ESR1: variants seen among roughly 807,000 people sequenced by gnomAD.
ESR1 encodes estrogen receptor 1.
ESR1 carries 12 observed loss-of-function variants against 52.7 expected under a neutral mutation model. The observed-to-expected ratio is 0.23, with a 90% CI of 0.15 to 0.37. The LOEUF (loss-of-function observed/expected upper bound fraction) is 0.37. Ranked by LOEUF, ESR1 falls within the 10% of genes least tolerant of loss-of-function variation. The pLI, the probability that ESR1 is intolerant of heterozygous loss-of-function variation, is 1.00. For missense variants in ESR1, 584 were observed against 779.7 expected (o/e 0.75, Z 2.99); for synonymous variants, 305 against 316.8 (o/e 0.96, Z 0.39).
At chr6:152,018,231 A>G (rs1285580749) in intron 5 of ESR1, among the ~76,000 whole-genome samples, 2 of 148,848 alleles carry the variant, frequency 1.3e-5, no homozygotes, top group East Asian at 1.9e-4. Flanking sequence ...TTTTAAATAG[A>G]AAAAAAAAAG....
chr6:152,099,286 G>A lies in ESR1; in HGVS notation c.*320G>A. Reference sequence around the variant, plus strand: ...TATGGGTTGGGGCTCAGATAACTCTGTGCATTTAAGCTACTTGTAGAGACC... The same window carrying A: ...TATGGGTTGGGGCTCAGATAACTCTATGCATTTAAGCTACTTGTAGAGACC... On this transcript the variant is annotated 3_prime_UTR_variant, in exon 8 of 8. Transcript: ENST00000206249. 2.2e-6 allele frequency: 1 copy of A among 459,180 alleles called. No individual in the cohort carries two copies. Among genetic ancestry groups the A allele is most frequent in the Non-Finnish European group, 4.0e-6 (1 of 247,356 alleles). 28.4% of individuals were successfully genotyped at this position (459,180 alleles called of 1,614,324 possible).
At chr6:152,008,543 G>A (rs2042514629) in intron 4 of ESR1, among the ~76,000 whole-genome samples, 1 of 152,068 alleles carries the variant, frequency 6.6e-6, no homozygotes, top group Non-Finnish European at 1.5e-5. Context: ...GAACTGTAAA[G>A]TGGGAATTAA....
chr6:151,755,009 C>T lies in ESR1; in HGVS notation c.-70-52834C>T, dbSNP rs559309596. On this transcript the variant is annotated intron_variant, in intron 2 of 2. Transcript: ENST00000404742. ...GGCAGACTACTTGAGCCCAGGAGTT[C>T]GAGACCAGTCTGGCCAATAGAGAAA... is the stretch of plus-strand genomic sequence containing the variant. Among the ~76,000 whole-genome samples the T allele has an allele frequency of 2.4e-3, 366 of 152,214 alleles. 2 individuals carry two copies. The highest frequency in any genetic ancestry group is 8.5e-3 in the African/African-American group (353 of 41,550).
chr6:151,955,505 G>T (rs1047468373), intron 4 of ESR1, among the ~76,000 whole-genome samples: 6 of 152,050 alleles, frequency 3.9e-5, no homozygotes, highest in African/African-American at 1.4e-4. Flanking sequence ...ATTCATAGGG[G>T]ATTTCTCTTA....
At chr6:152,028,478 C>T (rs527457495) in intron 5 of ESR1, among the ~76,000 whole-genome samples, 10 of 152,292 alleles carry the variant, frequency 6.6e-5, no homozygotes, top group Admixed American at 2.0e-4. Flanking sequence ...TCTTAGCAAA[C>T]GGCACACCAG....
At chr6:151,846,454 CTT>C (rs1207405150) in intron 2 of ESR1, among the ~76,000 whole-genome samples, 2 of 152,200 alleles carry the variant, frequency 1.3e-5, no homozygotes, top group Admixed American at 6.5e-5. Context: ...GTCTGTGACT[CTT>C]TATAAATCAC....
At chr6:152,036,296 C>G (rs1013897582) in intron 5 of ESR1, among the ~76,000 whole-genome samples, 1 of 152,038 alleles carries the variant, frequency 6.6e-6, no homozygotes, top group Non-Finnish European at 1.5e-5. Context: ...GGAGGCGGAG[C>G]TTGCAGTGAG....
At chr6:151,671,700 T>G (rs894821772) in intron 1 of ESR1, among the ~76,000 whole-genome samples, 2 of 152,058 alleles carry the variant, frequency 1.3e-5, no homozygotes, top group Admixed American at 1.3e-4. Flanking sequence ...TTTTTAAAAT[T>G]TTTATTTTAG....
At chr6:151,996,381 C>A (rs879702543) in intron 4 of ESR1, among the ~76,000 whole-genome samples, 1 of 152,038 alleles carries the variant, frequency 6.6e-6, no homozygotes, top group Non-Finnish European at 1.5e-5. Flanking sequence ...TGTTAGTACC[C>A]GCTTGTGTGG....
At chr6:151,694,011 TAAC>T (rs1331177638) in intron 1 of ESR1, among the ~76,000 whole-genome samples, 1 of 152,204 alleles carries the variant, frequency 6.6e-6, no homozygotes, top group Non-Finnish European at 1.5e-5. Context: ...GTGGTAATAA[TAAC>T]AACTATAGTA....
chr6:152,032,983 G>T (rs2044869473), intron 5 of ESR1, among the ~76,000 whole-genome samples: 2 of 152,080 alleles, frequency 1.3e-5, no homozygotes, highest in Admixed American at 1.3e-4. Flanking sequence ...CAGAAATAAT[G>T]CCATGTATCT....
chr6:152,129,216 A>C (rs1049869996), exon 7 of ESR1: 5 of 152,236 alleles, frequency 3.3e-5, no homozygotes, highest in African/African-American at 1.2e-4. Flanking sequence ...CGGAGAGCAG[A>C]TAGACGCAAT....
chr6:151,792,896 T>C (rs552489244), intron 2 of ESR1, among the ~76,000 whole-genome samples: 2 of 152,074 alleles, frequency 1.3e-5, no homozygotes, highest in Non-Finnish European at 2.9e-5. Context: ...TTAGTCTGAG[T>C]GCGGGGGCTC....
At chr6:151,673,072 C>T (rs190730904) in intron 1 of ESR1, among the ~76,000 whole-genome samples, 4 of 151,662 alleles carry the variant, frequency 2.6e-5, no homozygotes, top group Non-Finnish European at 5.9e-5. Flanking sequence ...GTGATCCGCC[C>T]GCCTCAGCCT....
At chr6:151,955,849 A>AT (rs1009341950) in intron 4 of ESR1, among the ~76,000 whole-genome samples, 19 of 151,244 alleles carry the variant, frequency 1.3e-4, no homozygotes, top group African/African-American at 2.2e-4. Flanking sequence ...ACCCAACAGT[A>AT]TTTTTTTTTC....
chr6:151,797,174 G>C (rs1776791361), intron 2 of ESR1, among the ~76,000 whole-genome samples: 1 of 152,270 alleles, frequency 6.6e-6, no homozygotes, highest in Non-Finnish European at 1.5e-5. Context: ...GGTCTCATGG[G>C]CAGAGGTGGG....
intron 7 of ESR1, among the ~76,000 whole-genome samples, chr6:152,096,213 G>A (rs1415399363): frequency 6.6e-6 from 1 of 152,158 alleles, no homozygotes; most frequent in Non-Finnish European, 1.5e-5. Context: ...AGGTACTCAT[G>A]GGTGATGAAG....
At chr6:151,712,237 G>A (rs534056582) in intron 2 of ESR1, among the ~76,000 whole-genome samples, 1 of 152,222 alleles carries the variant, frequency 6.6e-6, no homozygotes, top group East Asian at 1.9e-4. Flanking sequence ...TGCTGTTTTG[G>A]TTACCGTAGC....
chr6:152,082,874 G>A (rs1448353451), intron 6 of ESR1, among the ~76,000 whole-genome samples: 4 of 152,120 alleles, frequency 2.6e-5, no homozygotes. Context: ...TTACTACAAA[G>A]AGAATAAAAT....
Sources: gnomAD v4.1 joint callset for allele counts (sites outside exome capture counted in the v4.1 genomes callset) on GRCh38, gnomAD v4.1.1 for gene constraint, MANE v1.5 for transcripts, NCBI Gene and HGNC (gene_info 2026-07-23, HGNC 2026-07-21) for gene names.